GGNBP2: variants seen among roughly 807,000 people sequenced by gnomAD.
GGNBP2 encodes the protein gametogenetin-binding protein 2.
A neutral mutation model predicts 85.9 loss-of-function variants in GGNBP2; 10 were observed. That is an observed-to-expected ratio of 0.12 (90% CI 0.07 to 0.20). The LOEUF is 0.20. GGNBP2 is among the 10% of genes least tolerant of loss of function. The pLI is 1.00. For synonymous variants in GGNBP2, 287 were observed against 285.7 expected (o/e 1.00, Z -0.05); for missense variants, 595 against 857.8 (o/e 0.69, Z 3.83).
chr17:36,583,970 C>T (rs1051903695), intron 9 of GGNBP2, among the ~76,000 whole-genome samples: 5 of 152,186 alleles, frequency 3.3e-5, no homozygotes, highest in Admixed American at 6.5e-5. Context: ...TTTGTAACAT[C>T]ATGCATTGGA....
chr17:36,580,280 T>C (rs1337668184), intron 8 of GGNBP2, among the ~76,000 whole-genome samples: 1 of 150,514 alleles, frequency 6.6e-6, no homozygotes, highest in Non-Finnish European at 1.5e-5. Flanking sequence ...TGATCTCGGC[T>C]CACTGCAAGC....
At chr17:36,574,653 T>C in intron 6 of GGNBP2, 1 of 596,458 alleles carries the variant, frequency 1.7e-6, no homozygotes, top group Non-Finnish European at 3.0e-6. Flanking sequence ...AGGGCGGCAG[T>C]GTAGCCCCTG....
At chr17:36,587,661 G>A (rs1373749538) in intron 13 of GGNBP2, 1 of 183,672 alleles carries the variant, frequency 5.4e-6, no homozygotes, top group Non-Finnish European at 1.2e-5. Flanking sequence ...GACCGAGGTG[G>A]GTGGATCATG....
At chr17:36,549,452 C>T (rs570352843) in intron 2 of GGNBP2, among the ~76,000 whole-genome samples, 8 of 152,142 alleles carry the variant, frequency 5.3e-5, no homozygotes, top group South Asian at 2.1e-4. Context: ...GTCATCTGTC[C>T]GCCTCGGCCT....
chr17:36,563,498 A>C (rs772416269), intron 5 of GGNBP2, among the ~76,000 whole-genome samples: 2 of 150,918 alleles, frequency 1.3e-5, no homozygotes, highest in Non-Finnish European at 2.9e-5. Context: ...ATATATGGAC[A>C]TTTTTTTTCA....
chr17:36,558,367 A>C (rs1262175350), intron 4 of GGNBP2, among the ~76,000 whole-genome samples: 1 of 131,572 alleles, frequency 7.6e-6, no homozygotes, highest in Non-Finnish European at 1.6e-5. Context: ...GTGAGCTGAG[A>C]TCGCACATTG....
At chr17:36,548,404 C>T (rs1382021333) in intron 2 of GGNBP2, among the ~76,000 whole-genome samples, 1 of 151,576 alleles carries the variant, frequency 6.6e-6, no homozygotes, top group Admixed American at 6.6e-5. Flanking sequence ...TACTGGAGGT[C>T]AGGAATTCAA....
chr17:36,580,726 C>G (rs2074640105), intron 8 of GGNBP2, among the ~76,000 whole-genome samples: 1 of 150,634 alleles, frequency 6.6e-6, no homozygotes, highest in African/African-American at 2.4e-5. Context: ...TCGAGACCAA[C>G]CTGGCCATGA....
chr17:36,579,690 G>A (rs2074626447), intron 8 of GGNBP2, among the ~76,000 whole-genome samples: 1 of 152,224 alleles, frequency 6.6e-6, no homozygotes, highest in African/African-American at 2.4e-5. Context: ...GAAAACTGAA[G>A]ATGTTTAATA....
intron 6 of GGNBP2, among the ~76,000 whole-genome samples, chr17:36,576,395 A>G (rs968589992): frequency 9.6e-6 from 1 of 103,726 alleles, no homozygotes; most frequent in Non-Finnish European, 1.8e-5. Flanking sequence ...CTACTAAAAA[A>G]TACAAAAAAT....
intron 2 of GGNBP2, chr17:36,546,071 C>T (rs371963734): frequency 2.1e-6 from 1 of 467,066 alleles, no homozygotes; most frequent in Admixed American, 3.6e-5. Flanking sequence ...TATTCCTTGA[C>T]CCTTTCCCTT....
At chr17:36,566,882 T>C (rs2074473985) in intron 5 of GGNBP2, among the ~76,000 whole-genome samples, 1 of 150,816 alleles carries the variant, frequency 6.6e-6, no homozygotes, top group Admixed American at 6.6e-5. Flanking sequence ...AAAAAAAAAT[T>C]GAGCTGAGCA....
chr17:36,546,766 G>A (rs566342249), intron 2 of GGNBP2: 33 of 152,188 alleles, frequency 2.2e-4, no homozygotes, highest in Non-Finnish European at 4.0e-4. Flanking sequence ...TCGATAAGGT[G>A]CACCTAAGTC....
chr17:36,575,545 A>G (rs757980837), intron 6 of GGNBP2, among the ~76,000 whole-genome samples: 4 of 148,590 alleles, frequency 2.7e-5, no homozygotes, highest in Non-Finnish European at 5.9e-5. Context: ...GTGAAATAAC[A>G]TAATTTAACA....
In GGNBP2 at chr17:36,559,195, A is replaced by C. The variant is rs546761762; in HGVS notation, c.429-1578A>C. On this transcript the variant is annotated intron_variant, in intron 4 of 13. Coordinates refer to ENST00000613102, the MANE Select transcript of GGNBP2 (RefSeq NM_024835.5). Reference sequence around the variant, plus strand: ...GCACCTGTAATCCCAGCTACTCAGGAGGCTGAGACGGGAATCGCTTGAACC... The same window carrying C: ...GCACCTGTAATCCCAGCTACTCAGGCGGCTGAGACGGGAATCGCTTGAACC... Among the ~76,000 whole-genome samples, 827 of 123,298 alleles carry C rather than the reference A, an allele frequency of 6.7e-3. 5 individuals carry two copies. The highest frequency in any genetic ancestry group is 0.012 in the Non-Finnish European group (641 of 53,694). 80.9% of individuals were successfully genotyped at this position (123,298 alleles called of 152,430 possible).
rs1409778667 is a variant in GGNBP2 at position 36,578,285 on chromosome 17, T to C, written c.845+99T>C. On this transcript the variant is annotated intron_variant, in intron 7 of 13. Coordinates refer to ENST00000613102, the MANE Select transcript of GGNBP2 (RefSeq NM_024835.5). ...TCACCTTCTGCCTCAGTACATATGA[T>C]ATATGTATAAATTAAAGTATGCCTG... 5 of 850,366 alleles carry C rather than the reference T, an allele frequency of 5.9e-6. No homozygotes were observed. In the East Asian group the frequency reaches 7.4e-5, roughly 13 times the overall value. The allele number at this position is 850,366 out of a possible 1,614,324, so 52.7% of individuals were successfully genotyped here. A position where few individuals can be genotyped will look rare whatever the true frequency, so the allele number is the denominator to read the frequency against.
chr17:36,588,600 A>ATTTTTTTTTTTTT (rs138773605), intron 13 of GGNBP2, among the ~76,000 whole-genome samples: 1 of 128,794 alleles, frequency 7.8e-6, no homozygotes, highest in African/African-American at 3.2e-5. Context: ...TTTAATATTT[A>ATTTTTTTTTTTTT]TTTATTTTTT....
At position 36,561,016 on chromosome 17, in the gene GGNBP2, TTGTTA is replaced by T. The variant is rs370362386; in HGVS notation, c.527+150_527+154del. ...CATAGGTCAAAATAAATAGATCCTC[TTGTTA>T]TGTTGGCCATTTTGCCTTGATATAT... is the stretch of plus-strand genomic sequence containing the variant. On this transcript the variant is annotated intron_variant, in intron 5 of 13. Transcript: ENST00000613102. 7.2e-4 allele frequency: 343 copies of T among 477,282 alleles called. 2 individuals carry two copies. The highest frequency in any genetic ancestry group is 3.8e-3 in the East Asian group (111 of 29,066). The allele number at this position is 477,282 out of a possible 1,614,324, so 29.6% of individuals were successfully genotyped here.
chr17:36,589,649 G>C lies in GGNBP2; in HGVS notation c.*238G>C, dbSNP rs543359514. 9.5e-6 allele frequency: 5 copies of C among 525,560 alleles called. No homozygotes were observed. The South Asian group carries it at 1.4e-4, about 14-fold the overall frequency. 32.6% of individuals were successfully genotyped at this position (525,560 alleles called of 1,614,324 possible). A position where few individuals can be genotyped will look rare whatever the true frequency, so the allele number is the denominator to read the frequency against. ...TTTAAGCCATCTCTTTTCATTAAAT[G>C]TTTCTCTTCCTGTGAGACTTACTAA... On this transcript the variant is annotated 3_prime_UTR_variant, in exon 14 of 14. Coordinates refer to ENST00000613102, the MANE Select transcript of GGNBP2 (RefSeq NM_024835.5).
Sources: allele counts gnomAD v4.1 joint callset (sites outside exome capture counted in the v4.1 genomes callset), GRCh38; gene constraint gnomAD v4.1.1; transcripts MANE v1.5; gene names NCBI Gene and HGNC (gene_info 2026-07-23, HGNC 2026-07-21).